HAPLN2: variants seen among roughly 807,000 people sequenced by gnomAD.
HAPLN2 encodes the protein brain link protein-1.
In HAPLN2, 27 loss-of-function variants were observed where a neutral mutation model predicts 29.3. The observed-to-expected ratio is 0.92, with a 90% CI of 0.68 to 1.27. The LOEUF is 1.27. Ranked by LOEUF, HAPLN2 falls within the 50% of genes most tolerant of loss-of-function variation. The pLI, the probability that HAPLN2 is intolerant of heterozygous loss-of-function variation, is 0.00. For missense variants in HAPLN2, 454 were observed against 484.3 expected, an observed-to-expected ratio of 0.94 and a Z score of 0.59; for synonymous variants, 208 against 211.7, an observed-to-expected ratio of 0.98 and a Z score of 0.15.
the HAPLN2 span, among the ~76,000 whole-genome samples, chr1:156,603,513 ATGTG>A: frequency 4.6e-5 from 7 of 151,394 alleles, no homozygotes; most frequent in Non-Finnish European, 7.4e-5. Context: ...TATTTCATAT[ATGTG>A]TGTATGTATG....
the HAPLN2 span, among the ~76,000 whole-genome samples, chr1:156,605,469 G>A: frequency 4.0e-5 from 6 of 151,006 alleles, no homozygotes; most frequent in Admixed American, 2.6e-4. Flanking sequence ...GTGCAGTGAC[G>A]TGCACCTGTA....
the HAPLN2 span, among the ~76,000 whole-genome samples, chr1:156,613,138 C>T: frequency 2.0e-5 from 3 of 152,090 alleles, no homozygotes; most frequent in African/African-American, 7.2e-5. Context: ...ATTGTGAGGT[C>T]AGGAGATCGA....
the HAPLN2 span, among the ~76,000 whole-genome samples, chr1:156,612,632 A>G: frequency 1.3e-5 from 2 of 152,290 alleles, no homozygotes; most frequent in East Asian, 1.9e-4. Context: ...TGATGTTGCT[A>G]GTGGGACTGA....
At chr1:156,606,618 G>A in the HAPLN2 span, among the ~76,000 whole-genome samples, 2 of 151,612 alleles carry the variant, frequency 1.3e-5, no homozygotes, top group African/African-American at 4.8e-5. Context: ...AAGTAGCTGG[G>A]GCCACAGGAG....
At chr1:156,623,045 T>TAA (rs1553235342) in intron 2 of HAPLN2, among the ~76,000 whole-genome samples, 3 of 102,960 alleles carry the variant, frequency 2.9e-5, no homozygotes, top group African/African-American at 7.7e-5. Context: ...AAAAAATAAA[T>TAA]AAATAAATAA....
the HAPLN2 span, among the ~76,000 whole-genome samples, chr1:156,606,900 G>A: frequency 1.3e-5 from 2 of 152,212 alleles, no homozygotes; most frequent in South Asian, 2.1e-4. Context: ...AATCTTGTAA[G>A]GTTTTAATGC....
At chr1:156,619,815 G>A (rs1398177965) in intron 1 of HAPLN2, among the ~76,000 whole-genome samples, 1 of 152,102 alleles carries the variant, frequency 6.6e-6, no homozygotes, top group Non-Finnish European at 1.5e-5. Flanking sequence ...TGGGTTCCCA[G>A]CCCTCATCCC....
rs1334625015 is a variant in HAPLN2, at chr1:156,625,657, G to A, written c.*273G>A. On this transcript the variant is annotated 3_prime_UTR_variant, in exon 7 of 7. Coordinates refer to ENST00000255039, the MANE Select transcript of HAPLN2 (RefSeq NM_021817.3). This position sits in a 1 kb window ranked among gnomAD's most constrained non-coding sequence, Gnocchi z 5.7. ...AGCAGAGGACTCAGCCACCGCCGGG[G>A]GGAGGGTGAGGCGGCCGGGGGCATT... The A allele has an allele frequency of 2.4e-6, 1 of 419,012 alleles. No individual in the cohort carries two copies. The highest frequency in any genetic ancestry group is 4.2e-6 in the Non-Finnish European group (1 of 237,118). 26.0% of individuals were successfully genotyped at this position (419,012 alleles called of 1,614,324 possible).
chr1:156,623,826 C>A lies in HAPLN2; in HGVS notation c.105C>A (p.His35Gln). 1 of 1,528,668 alleles carries A rather than the reference C, an allele frequency of 6.5e-7. No homozygotes were observed. The highest frequency in any genetic ancestry group is 8.8e-7 in the Non-Finnish European group (1 of 1,139,096). The allele number at this position is 1,528,668 out of a possible 1,614,324, so 94.7% of individuals were successfully genotyped here. A position where few individuals can be genotyped will look rare whatever the true frequency, so the allele number is the denominator to read the frequency against. ...GCCCAGCATCCCACCCGGGCCCCCA[C>A]TACCTCCTGCCCCCCATCCACGAGG... is the stretch of plus-strand genomic sequence containing the variant. ...QGDPASHPGP[H>Q]YLLPPIHEVI... Residue 35 changes from histidine (H) to glutamine (Q), a missense_variant, in exon 4 of 7, where the codon CAC becomes CAA. Physicochemically the swap from His to Gln is conservative, Grantham distance 24 (BLOSUM62 0). Coordinates refer to ENST00000255039, the MANE Select transcript of HAPLN2 (RefSeq NM_021817.3).
chr1:156,622,281 A>G (rs1263766817), intron 2 of HAPLN2, among the ~76,000 whole-genome samples: 3 of 152,030 alleles, frequency 2.0e-5, no homozygotes, highest in Non-Finnish European at 4.4e-5. Context: ...CTCCATCTCT[A>G]CAAAAAATAG....
upstream of HAPLN2, among the ~76,000 whole-genome samples, chr1:156,617,569 G>A (rs931034985): frequency 6.6e-6 from 1 of 151,214 alleles, no homozygotes; most frequent in Non-Finnish European, 1.5e-5. Flanking sequence ...GGCTGGTCTC[G>A]AACTCCTGAC....
In HAPLN2 at chr1:156,624,927, G is replaced by T. The variant is rs1231278236; in HGVS notation, c.739+144G>T. On this transcript the variant is annotated intron_variant, in intron 6 of 6. Coordinates refer to ENST00000255039, the MANE Select transcript of HAPLN2 (RefSeq NM_021817.3). ...CCCATCAGCCCGCCCGCCCGCCCAG[G>T]CTCCAGCTCACCTCTCCAAACCCTC... The T allele has an allele frequency of 3.8e-5, 15 of 390,378 alleles. No homozygotes were observed. The South Asian group carries it at 4.0e-4, about 10-fold the overall frequency. The allele number at this position is 390,378 out of a possible 1,614,324, so 24.2% of individuals were successfully genotyped here. A position where few individuals can be genotyped will look rare whatever the true frequency, so the allele number is the denominator to read the frequency against.
At chr1:156,616,320 G>C (rs1477201998), upstream of HAPLN2, among the ~76,000 whole-genome samples, 1 of 152,190 alleles carries the variant, frequency 6.6e-6, no homozygotes, top group Non-Finnish European at 1.5e-5. Flanking sequence ...GGGAAACTGA[G>C]AATGAAAGTG....
chr1:156,619,104 G>A (rs1000333637), upstream of HAPLN2, among the ~76,000 whole-genome samples: 3 of 152,058 alleles, frequency 2.0e-5, no homozygotes, highest in African/African-American at 7.2e-5. Context: ...TCTCTTTAGA[G>A]CCCTGTAATT....
the HAPLN2 span, among the ~76,000 whole-genome samples, chr1:156,611,157 C>T: frequency 6.6e-6 from 1 of 151,710 alleles, no homozygotes; most frequent in Non-Finnish European, 1.5e-5. Flanking sequence ...GTGGTACACG[C>T]CTGTAATCCT....
chr1:156,625,217 G>T lies in HAPLN2; in HGVS notation c.856G>T (p.Gly286Trp). 1 of 1,565,874 alleles carries T rather than the reference G, an allele frequency of 6.4e-7. No individual in the cohort carries two copies. The change falls in exon 7 of 7, where the codon GGG (glycine) becomes TGG (tryptophan). Residue 286 changes from glycine (G) to tryptophan (W), a missense_variant. This residue lies in a region of HAPLN2 where 235 missense variants were observed against 236.9 expected (regional missense o/e 0.99). Coordinates refer to ENST00000255039, the MANE Select transcript of HAPLN2 (RefSeq NM_021817.3). The surrounding 1 kb of genome is among the most constrained non-coding windows in gnomAD (Gnocchi z 5.7). ...CCTCTACGCCGCCTGGAAGTTTTCG[G>T]GGCTAGACCAGTGCGACGGCGGCTG... ...GHLYAAWKFS[G>W]LDQCDGGWLA...
At chr1:156,611,392 C>G in the HAPLN2 span, among the ~76,000 whole-genome samples, 4 of 150,552 alleles carry the variant, frequency 2.7e-5, no homozygotes, top group South Asian at 8.6e-4. Flanking sequence ...TGGGGAAACC[C>G]TGTCTCTACT....
rs1180737538 is a variant in HAPLN2, at chr1:156,623,507, C to T, written c.17C>T (p.Thr6Ile). Residue 6 changes from threonine to isoleucine, a missense_variant, in exon 3 of 7, where the codon ACC becomes ATC. This residue lies in a region of HAPLN2 where 204 missense variants were observed against 209.2 expected (regional missense o/e 0.98). Coordinates refer to ENST00000255039, the MANE Select transcript of HAPLN2 (RefSeq NM_021817.3). The stretch of plus-strand genomic sequence containing the variant: ...CCCCCCATCATGCCAGGCTGGCTCA[C>T]CCTCCCCACACTCTGCCGCTTCCTT... MPGWL[T>I]LPTLCRFLLW... 1 of 1,614,136 alleles carries T rather than the reference C, an allele frequency of 6.2e-7. No individual in the cohort carries two copies.
At chr1:156,623,068 ATAAATAAAT>A (rs1357741434) in intron 2 of HAPLN2, among the ~76,000 whole-genome samples, 1 of 149,548 alleles carries the variant, frequency 6.7e-6, no homozygotes, top group Non-Finnish European at 1.5e-5. Flanking sequence ...AAATAAATAA[ATAAATAAAT>A]AAAATAAAAA....
Sources: gnomAD v4.1 joint callset for allele counts (sites outside exome capture counted in the v4.1 genomes callset) on GRCh38, gnomAD v4.1.1 for gene constraint, gnomAD v4.1.1 regional missense constraint, Gnocchi (gnomAD v3.1) non-coding constraint, MANE v1.5 for transcripts, NCBI Gene and HGNC (gene_info 2026-07-23, HGNC 2026-07-21) for gene names.